The following CC2D2B variants were observed in gnomAD, a reference collection of about 807,000 sequenced individuals.
CC2D2B encodes protein CC2D2B.
Under a neutral mutation model 161.2 loss-of-function variants are expected in CC2D2B, and 128 were observed. The observed-to-expected ratio is 0.79, with a 90% CI of 0.69 to 0.92. The LOEUF (loss-of-function observed/expected upper bound fraction) is 0.92. Ranked by LOEUF, CC2D2B falls within the 40% of genes least tolerant of loss-of-function variation. The pLI is 0.00. For missense variants in CC2D2B, 1,173 were observed against 1,375.1 expected (o/e 0.85, Z 2.32); for synonymous variants, 391 against 449.8 (o/e 0.87, Z 1.65).
chr10:96,025,174 T>TAAAA (rs1564683948), intron 33 of CC2D2B, among the ~76,000 whole-genome samples: 5 of 15,098 alleles, frequency 3.3e-4, no homozygotes, highest in African/African-American at 1.1e-3. Flanking sequence ...TATATATATA[T>TAAAA]ATATATATAT....
At chr10:95,981,209 T>C (rs1053713743) in intron 17 of CC2D2B, among the ~76,000 whole-genome samples, 21 of 151,998 alleles carry the variant, frequency 1.4e-4, no homozygotes, top group Non-Finnish European at 2.1e-4. Context: ...CTGGCCAACA[T>C]GGTGAAATGC....
At chr10:96,013,059 C>T (rs1401474322) in intron 28 of CC2D2B, among the ~76,000 whole-genome samples, 1 of 152,136 alleles carries the variant, frequency 6.6e-6, no homozygotes, top group Non-Finnish European at 1.5e-5. Flanking sequence ...CAAATCTGAG[C>T]TCCTTTGCTT....
At chr10:95,987,690 A>T (rs1018251050) in intron 19 of CC2D2B, among the ~76,000 whole-genome samples, 1 of 152,190 alleles carries the variant, frequency 6.6e-6, no homozygotes, top group African/African-American at 2.4e-5. Context: ...GTCAACACAC[A>T]TTAACTACTT....
At position 95,992,676 on chromosome 10, in the gene CC2D2B, C is replaced by G; in HGVS notation, c.2621C>G (p.Thr874Ser). The change falls in exon 22 of 35, where the codon ACC (threonine) becomes AGC (serine). Residue 874 changes from threonine (T) to serine (S), a missense_variant. Physicochemically the swap from Thr to Ser is moderately conservative, Grantham distance 58. Around this residue, in one of 3 missense-constraint regions of CC2D2B, gnomAD observed 598 missense variants for 693.2 expected, o/e 0.86. Coordinates refer to ENST00000646931, the MANE Select transcript of CC2D2B (RefSeq NM_001349008.3). ...VRIVRAYNIPTRKTTINGSLD... is the reference protein window; with the variant it reads ...VRIVRAYNIPSRKTTINGSLD... ...ATAGTGAGGGCCTATAATATTCCTA[C>G]CAGAAAAACAACAATTAATGGGTAA... is the stretch of plus-strand genomic sequence containing the variant. The G allele has an allele frequency of 2.4e-6, 3 of 1,234,156 alleles. No homozygotes were observed. The highest frequency in any genetic ancestry group is 3.0e-6 in the Non-Finnish European group (3 of 988,026). 76.5% of individuals were successfully genotyped at this position (1,234,156 alleles called of 1,614,324 possible).
chr10:95,951,607 A>C (rs890035395), intron 10 of CC2D2B, among the ~76,000 whole-genome samples: 2 of 152,230 alleles, frequency 1.3e-5, no homozygotes, highest in Admixed American at 1.3e-4. Flanking sequence ...TGAAGGAAAC[A>C]ACTCAGATTA....
chr10:96,009,639 A>G (rs947225895), intron 25 of CC2D2B, among the ~76,000 whole-genome samples, 186 bp from the exon 26 acceptor site: 4 of 152,192 alleles, frequency 2.6e-5, no homozygotes, highest in African/African-American at 9.6e-5. Flanking sequence ...CTCTCAGACT[A>G]TTATTTTTGC....
At chr10:96,016,422 T>G in intron 30 of CC2D2B, 108 bp downstream of exon 30, 1 of 742,372 alleles carries the variant, frequency 1.3e-6, no homozygotes, top group Non-Finnish European at 2.3e-6. Context: ...ACAAACTAAT[T>G]TGGAATTTCA....
chr10:95,929,910 A>AT (rs1423212141), intron 6 of CC2D2B, among the ~76,000 whole-genome samples: 2 of 152,014 alleles, frequency 1.3e-5, no homozygotes, highest in Non-Finnish European at 2.9e-5. Context: ...AATTTAAAGT[A>AT]TTTTTTTCTA....
intron 32 of CC2D2B, among the ~76,000 whole-genome samples, chr10:96,024,359 AT>A (rs2079600506): frequency 6.6e-6 from 1 of 152,256 alleles, no homozygotes; most frequent in African/African-American, 2.4e-5. Context: ...ATGATCAACC[AT>A]GTTAGAATAA....
intron 34 of CC2D2B, among the ~76,000 whole-genome samples, chr10:96,028,306 T>C (rs2079871828): frequency 6.6e-6 from 1 of 152,132 alleles, no homozygotes; most frequent in African/African-American, 2.4e-5. Context: ...ATTTTTTAAA[T>C]GGGCAAAAGA....
chr10:96,019,461 G>A, intron 31 of CC2D2B, 124 bp downstream of exon 31: 1 of 1,056,788 alleles, frequency 9.5e-7, no homozygotes, highest in South Asian at 1.6e-5. Context: ...CATGGGGCCG[G>A]GGCAATCTTT....
chr10:95,972,410 C>T (rs141040251), intron 16 of CC2D2B, among the ~76,000 whole-genome samples, 194 bp downstream of exon 16: 2,836 of 152,266 alleles, frequency 0.019, 36 homozygotes, highest in Middle Eastern at 0.054. Context: ...CAACCTCCAC[C>T]TCCCAGGTTC....
At chr10:95,986,827 C>T (rs1472894777) in intron 19 of CC2D2B, among the ~76,000 whole-genome samples, 1 of 151,980 alleles carries the variant, frequency 6.6e-6, no homozygotes, top group African/African-American at 2.4e-5. Flanking sequence ...GAACTCCTAA[C>T]TTTAAGTGAT....
At chr10:96,004,043 TA>T in intron 24 of CC2D2B, 108 bp from the exon 25 acceptor site, 1 of 668,484 alleles carries the variant, frequency 1.5e-6, no homozygotes, top group Non-Finnish European at 2.5e-6. Flanking sequence ...TTATACTTCA[TA>T]AAAGAAAACA....
At chr10:95,932,564 A>G (rs1172534897) in intron 6 of CC2D2B, among the ~76,000 whole-genome samples, 3 of 152,122 alleles carry the variant, frequency 2.0e-5, no homozygotes, top group African/African-American at 7.2e-5. Context: ...AGCTCTTGTA[A>G]GTCAGGCCTG....
intron 30 of CC2D2B, among the ~76,000 whole-genome samples, chr10:96,017,334 T>C (rs1264407541): frequency 6.6e-6 from 1 of 152,236 alleles, no homozygotes; most frequent in Non-Finnish European, 1.5e-5. Flanking sequence ...GCCAAGCTTG[T>C]TAACTATTAA....
At chr10:95,926,708 A>G (rs2098539154) in intron 5 of CC2D2B, among the ~76,000 whole-genome samples, 1 of 152,082 alleles carries the variant, frequency 6.6e-6, no homozygotes, top group Non-Finnish European at 1.5e-5. Flanking sequence ...GTCAGACAAG[A>G]GTGAAAAATG....
intron 32 of CC2D2B, among the ~76,000 whole-genome samples, chr10:96,024,613 G>A (rs368607346): frequency 5.3e-5 from 8 of 152,100 alleles, no homozygotes; most frequent in African/African-American, 9.7e-5. Flanking sequence ...GAATTGGGGC[G>A]CCAGGTCTGT....
intron 14 of CC2D2B, 24 bp from the exon 15 acceptor site, chr10:95,968,700 T>C (rs1301257226): frequency 1.9e-6 from 2 of 1,061,822 alleles, no homozygotes; most frequent in Non-Finnish European, 2.4e-6. Flanking sequence ...TTAAGGGTGA[T>C]TTAAAGGTTT....
Sources: allele counts gnomAD v4.1 joint callset (sites outside exome capture counted in the v4.1 genomes callset), GRCh38; gene constraint gnomAD v4.1.1; regional missense constraint gnomAD v4.1.1; transcripts MANE v1.5; gene names NCBI Gene and HGNC (gene_info 2026-07-23, HGNC 2026-07-21).